DCHS2: variants seen among roughly 807,000 people sequenced by gnomAD.
The protein encoded by DCHS2 is dachsous cadherin-related 2, also known as protocadherin-23.
DCHS2 carries 142 observed loss-of-function variants against 182.4 expected under a neutral mutation model. The observed-to-expected ratio is 0.78, with a 90% CI of 0.68 to 0.89. DCHS2 has a LOEUF of 0.89. Among genes scored for constraint, DCHS2 ranks in the 40% least tolerant of loss-of-function variants. DCHS2 has a pLI of 0.00. For missense variants in DCHS2, 4,319 were observed against 4,198.6 expected, an observed-to-expected ratio of 1.03 and a Z score of -0.79; for synonymous variants, 1,740 against 1,663.3, an observed-to-expected ratio of 1.05 and a Z score of -1.12.
intron 7 of DCHS2, chr4:154,323,317 G>A: frequency 6.5e-7 from 1 of 1,546,746 alleles, no homozygotes; most frequent in East Asian, 2.5e-5. Flanking sequence ...TCCCTTCAGA[G>A]GCATAGGTCT....
chr4:154,365,660 T>C (rs1441578934), intron 3 of DCHS2, among the ~76,000 whole-genome samples: 1 of 151,742 alleles, frequency 6.6e-6, no homozygotes, highest in Non-Finnish European at 1.5e-5. Context: ...ACTTTTTTTT[T>C]TCTTTTTTTT....
chr4:154,281,962 A>G (rs777448891), intron 13 of DCHS2, among the ~76,000 whole-genome samples: 5 of 152,148 alleles, frequency 3.3e-5, no homozygotes, highest in Non-Finnish European at 7.4e-5. Flanking sequence ...GTGCTTGGAA[A>G]ACTGAATATC....
At position 154,490,746 on chromosome 4, in the gene DCHS2, A is replaced by T; in HGVS notation, c.610T>A (p.Tyr204Asn). The change falls in exon 1 of 20, where the codon TAC becomes AAC. Residue 204 changes from tyrosine to asparagine, a missense_variant. Physicochemically the swap from Tyr to Asn is moderately radical, Grantham distance 143. Coordinates refer to ENST00000357232, the MANE Select transcript of DCHS2 (RefSeq NM_001358235.2). ...AGGTCGGACGGTTGCACCAGGGTGT[A>T]GCCCTGAGTGCTGAACAGTCCGGCG... ...PDAGLFSTQGYTLVQPSDLPK... is the reference protein window; with the variant it reads ...PDAGLFSTQGNTLVQPSDLPK... 6.4e-7 allele frequency: 1 copy of T among 1,551,620 alleles called. No individual in the cohort carries two copies. Among genetic ancestry groups the T allele is most frequent in the Non-Finnish European group, 8.7e-7 (1 of 1,146,910 alleles).
intron 2 of DCHS2, among the ~76,000 whole-genome samples, chr4:154,376,490 C>A (rs139285679): frequency 5.9e-5 from 9 of 152,102 alleles, no homozygotes; most frequent in African/African-American, 1.9e-4. Context: ...AATAATCAAG[C>A]CTTATCCTGC....
At position 154,490,434 on chromosome 4, in the gene DCHS2, C is replaced by A; in HGVS notation, c.922G>T (p.Asp308Tyr). The A allele has an allele frequency of 6.5e-7, 1 of 1,534,316 alleles. No homozygotes were observed. Among genetic ancestry groups the A allele is most frequent in the Non-Finnish European group, 8.7e-7 (1 of 1,145,384 alleles). The stretch of plus-strand genomic sequence containing the variant: ...CAGACCTCGGCGCCCGGCTGGGCGT[C>A]CTCGCGCACCGCGGCGCGGTACTCG... ...QDEYRAAVRE[D>Y]AQPGAEVCRV... Residue 308 changes from aspartate to tyrosine, a missense_variant, in exon 1 of 20, where the codon GAC (aspartate) becomes TAC (tyrosine). Asp to Tyr is a radical substitution (Grantham distance 160). Coordinates refer to ENST00000357232, the MANE Select transcript of DCHS2 (RefSeq NM_001358235.2).
chr4:154,255,595 C>T lies in DCHS2; in HGVS notation c.6865G>A (p.Ala2289Thr). Residue 2289 changes from alanine (A) to threonine (T), a missense_variant, in exon 16 of 20, where the codon GCA becomes ACA. Physicochemically the swap from Ala to Thr is moderately conservative, Grantham distance 58. Transcript: ENST00000357232. ...CCACTCAGTGCATCAATCTGGAATG[C>T]TTCTTCTTGGTTGCCAGACAGAATA... ...YSILSGNQEE[A>T]FQIDALSGVI... 1 of 1,614,020 alleles carries T rather than the reference C, an allele frequency of 6.2e-7. No individual in the cohort carries two copies.
At chr4:154,255,417 T>C (rs1732607531) in intron 16 of DCHS2, 102 bp downstream of exon 16, 2 of 1,429,442 alleles carry the variant, frequency 1.4e-6, no homozygotes, top group Non-Finnish European at 1.8e-6. Context: ...GATAACACAT[T>C]TTACAATAAG....
intron 13 of DCHS2, among the ~76,000 whole-genome samples, chr4:154,278,044 C>A (rs2404896): frequency 0.84 from 115,353 of 137,150 alleles, 46,924 homozygotes; most frequent in East Asian, 0.87. Flanking sequence ...CCATCACACA[C>A]ACAAAAAAAA....
Position 154,489,387 on chromosome 4 carries a change from T to C in DCHS2, c.1969A>G (p.Asn657Asp), listed in dbSNP as rs1333100176. The change falls in exon 1 of 20, where the codon AAT (asparagine) becomes GAT (aspartate). Residue 657 changes from asparagine (N) to aspartate (D), a missense_variant. Transcript: ENST00000357232. Reference protein sequence around the residue: ...CLVSITVDDVNDNEPIFWRQV... With the variant: ...CLVSITVDDVDDNEPIFWRQV... ...CTCCAGAAGATGGGCTCATTGTCAT[T>C]CACATCATCTACGGTGATGCTCACC... 1.9e-6 allele frequency: 3 copies of C among 1,551,428 alleles called. No individual in the cohort carries two copies. The Admixed American group carries it at 5.9e-5, about 30-fold the overall frequency.
intron 1 of DCHS2, among the ~76,000 whole-genome samples, chr4:154,412,550 C>T (rs1000825447): frequency 6.6e-6 from 1 of 152,042 alleles, no homozygotes; most frequent in African/African-American, 2.4e-5. Context: ...ATACGCAAAA[C>T]TGAAATCTTA....
intron 5 of DCHS2, among the ~76,000 whole-genome samples, chr4:154,332,102 GA>G (rs1330491693): frequency 2.0e-5 from 3 of 152,084 alleles, no homozygotes; most frequent in Non-Finnish European, 4.4e-5. Context: ...TCTACAAATG[GA>G]AAAGGATGGT....
At chr4:154,449,036 C>A (rs1177029736) in intron 1 of DCHS2, among the ~76,000 whole-genome samples, 1 of 152,038 alleles carries the variant, frequency 6.6e-6, no homozygotes, top group Non-Finnish European at 1.5e-5. Flanking sequence ...TGTACTCATG[C>A]CTGACACACT....
intron 1 of DCHS2, among the ~76,000 whole-genome samples, chr4:154,478,323 C>T (rs1043043989): frequency 6.6e-5 from 10 of 151,590 alleles, no homozygotes; most frequent in Admixed American, 2.6e-4. Flanking sequence ...ACTGAGTATA[C>T]GCCTACTGAA....
chr4:154,420,382 A>G (rs1349164799), intron 1 of DCHS2, among the ~76,000 whole-genome samples: 1 of 152,218 alleles, frequency 6.6e-6, no homozygotes, highest in African/African-American at 2.4e-5. Flanking sequence ...ATAGAAGCCA[A>G]GAAGTTCCAC....
At chr4:154,241,854 T>C (rs909016536) in intron 17 of DCHS2, among the ~76,000 whole-genome samples, 5 of 152,210 alleles carry the variant, frequency 3.3e-5, no homozygotes, top group African/African-American at 1.2e-4. Flanking sequence ...TGTAGATATC[T>C]CTATGCATAG....
intron 1 of DCHS2, among the ~76,000 whole-genome samples, chr4:154,396,007 T>A (rs1731914178): frequency 6.6e-6 from 1 of 152,202 alleles, no homozygotes; most frequent in Non-Finnish European, 1.5e-5. Flanking sequence ...GGTTAGGAAA[T>A]TGAGCGAGGT....
intron 1 of DCHS2, among the ~76,000 whole-genome samples, chr4:154,455,408 T>C (rs1734722066): frequency 6.6e-6 from 1 of 152,256 alleles, no homozygotes; most frequent in Admixed American, 6.5e-5. Context: ...TTCTGTAAAT[T>C]GCTTGGATCC....
intron 1 of DCHS2, among the ~76,000 whole-genome samples, chr4:154,467,479 A>G (rs1249123645): frequency 6.6e-6 from 1 of 152,180 alleles, no homozygotes; most frequent in Non-Finnish European, 1.5e-5. Context: ...TAATTTAAAC[A>G]TGGAAGCCTA....
chr4:154,345,075 A>G (rs1729296113), intron 3 of DCHS2, among the ~76,000 whole-genome samples: 1 of 152,190 alleles, frequency 6.6e-6, no homozygotes, highest in South Asian at 2.1e-4. Context: ...AGTACCTGCC[A>G]CTGGTGGAAC....
Sources: allele counts gnomAD v4.1 joint callset (sites outside exome capture counted in the v4.1 genomes callset), GRCh38; gene constraint gnomAD v4.1.1; transcripts MANE v1.5; gene names NCBI Gene and HGNC (gene_info 2026-07-23, HGNC 2026-07-21).